PRTFDC1: variants seen among roughly 807,000 people sequenced by gnomAD.
PRTFDC1 encodes the protein phosphoribosyl transferase domain containing 1.
Under a neutral mutation model 34.6 loss-of-function variants are expected in PRTFDC1, and 38 were observed. The ratio of observed to expected loss-of-function variants is 1.10; its 90% confidence interval spans 0.85 to 1.44. The LOEUF is 1.44. PRTFDC1 is among the 40% of genes most tolerant of loss of function. The pLI, the probability that PRTFDC1 is intolerant of heterozygous loss-of-function variation, is 0.00. For synonymous variants in PRTFDC1, 93 were observed against 98.1 expected (o/e 0.95, Z 0.31); for missense variants, 270 against 283.0 (o/e 0.95, Z 0.33).
intron 3 of PRTFDC1, among the ~76,000 whole-genome samples, chr10:24,914,920 C>T (rs1848673777): frequency 6.6e-6 from 1 of 152,058 alleles, no homozygotes; most frequent in Non-Finnish European, 1.5e-5. Flanking sequence ...TTCCATATGC[C>T]ATCCAATTAT....
chr10:24,912,853 G>A (rs1848646212), intron 3 of PRTFDC1, among the ~76,000 whole-genome samples: 2 of 151,728 alleles, frequency 1.3e-5, no homozygotes, highest in Non-Finnish European at 2.9e-5. Flanking sequence ...CCTCTGAACT[G>A]GCCTTGCTTC....
chr10:24,938,829 G>A (rs1849096725), intron 2 of PRTFDC1, among the ~76,000 whole-genome samples: 1 of 152,164 alleles, frequency 6.6e-6, no homozygotes, highest in Admixed American at 6.5e-5. Context: ...AAGCTCAGGG[G>A]AAAGTAAACA....
At chr10:24,920,957 G>T (rs77120154) in intron 3 of PRTFDC1, among the ~76,000 whole-genome samples, 1 of 151,982 alleles carries the variant, frequency 6.6e-6, no homozygotes, top group Non-Finnish European at 1.5e-5. Flanking sequence ...ATCTAAAATG[G>T]TATTCTGTTT....
intron 3 of PRTFDC1, among the ~76,000 whole-genome samples, chr10:24,918,663 A>G (rs1235071896): frequency 6.6e-6 from 1 of 151,860 alleles, no homozygotes; most frequent in Non-Finnish European, 1.5e-5. Flanking sequence ...AATCCTCCCC[A>G]CTCAGCCTCC....
intron 3 of PRTFDC1, among the ~76,000 whole-genome samples, chr10:24,936,572 C>T (rs1849054713): frequency 6.6e-6 from 1 of 152,214 alleles, no homozygotes; most frequent in Admixed American, 6.5e-5. Context: ...ATGCATGAGC[C>T]ACTGCATCTG....
chr10:24,864,985 G>A (rs1306638054), intron 4 of PRTFDC1, among the ~76,000 whole-genome samples: 1 of 152,032 alleles, frequency 6.6e-6, no homozygotes, highest in African/African-American at 2.4e-5. Context: ...GCATGGTGGT[G>A]CACGCCTGTA....
At chr10:24,861,052 A>G (rs1847671877) in intron 4 of PRTFDC1, among the ~76,000 whole-genome samples, 2 of 152,098 alleles carry the variant, frequency 1.3e-5, no homozygotes, top group Non-Finnish European at 2.9e-5. Context: ...TTGCAAAACA[A>G]TAGAGTCATC....
chr10:24,942,088 T>C (rs1244710731), intron 2 of PRTFDC1, among the ~76,000 whole-genome samples: 1 of 152,186 alleles, frequency 6.6e-6, no homozygotes. Context: ...CTGTTACTTA[T>C]AATAGCTTAT....
chr10:24,914,148 T>G (rs1848663030), intron 3 of PRTFDC1, among the ~76,000 whole-genome samples: 1 of 152,138 alleles, frequency 6.6e-6, no homozygotes, highest in African/African-American at 2.4e-5. Context: ...AGACTCAAAA[T>G]CATATATTTA....
chr10:24,869,367 C>G (rs1270782366), intron 4 of PRTFDC1, among the ~76,000 whole-genome samples: 2 of 152,230 alleles, frequency 1.3e-5, no homozygotes, highest in African/African-American at 4.8e-5. Flanking sequence ...AAACCCTTCC[C>G]CAGGGCTGTA....
intron 4 of PRTFDC1, among the ~76,000 whole-genome samples, chr10:24,871,586 G>T (rs983013616): frequency 6.6e-6 from 1 of 150,716 alleles, no homozygotes; most frequent in African/African-American, 2.4e-5. Flanking sequence ...CCCAGATTTT[G>T]TACTTGTCAA....
At chr10:24,941,011 T>A (rs1282925437) in intron 2 of PRTFDC1, among the ~76,000 whole-genome samples, 1 of 151,046 alleles carries the variant, frequency 6.6e-6, no homozygotes, top group Non-Finnish European at 1.5e-5. Context: ...TGGGTGAATT[T>A]TGTGCAGTAG....
At chr10:24,949,549 C>T (rs934723106) in intron 1 of PRTFDC1, among the ~76,000 whole-genome samples, 1 of 152,114 alleles carries the variant, frequency 6.6e-6, no homozygotes, top group South Asian at 2.1e-4. Flanking sequence ...AAGTTGCCTG[C>T]TTATATCCAA....
chr10:24,902,614 G>A (rs1433763857), intron 3 of PRTFDC1, among the ~76,000 whole-genome samples: 1 of 152,150 alleles, frequency 6.6e-6, no homozygotes, highest in Non-Finnish European at 1.5e-5. Context: ...GTGCTCCAGA[G>A]AAAGTTGACT....
At chr10:24,912,882 T>C (rs1848646738) in intron 3 of PRTFDC1, among the ~76,000 whole-genome samples, 1 of 152,120 alleles carries the variant, frequency 6.6e-6, no homozygotes, top group Non-Finnish European at 1.5e-5. Context: ...ATCCTAAACA[T>C]GGCATCCTGA....
chr10:24,875,518 T>C (rs1443800515), intron 3 of PRTFDC1, among the ~76,000 whole-genome samples: 1 of 152,216 alleles, frequency 6.6e-6, no homozygotes, highest in Non-Finnish European at 1.5e-5. Flanking sequence ...ACTCTGTGCC[T>C]GGCTTATTTC....
intron 3 of PRTFDC1, among the ~76,000 whole-genome samples, chr10:24,910,404 C>G (rs1848608710): frequency 6.6e-6 from 1 of 152,150 alleles, no homozygotes; most frequent in Non-Finnish European, 1.5e-5. Context: ...TGTCTCATTT[C>G]ATGTATAATG....
chr10:24,890,613 T>A (rs1848243609), intron 3 of PRTFDC1, among the ~76,000 whole-genome samples: 1 of 152,158 alleles, frequency 6.6e-6, no homozygotes, highest in Non-Finnish European at 1.5e-5. Flanking sequence ...TTTGACTGAG[T>A]CAGGGTGGCA....
At chr10:24,850,817 A>G (rs1847473219) in intron 8 of PRTFDC1, among the ~76,000 whole-genome samples, 1 of 152,192 alleles carries the variant, frequency 6.6e-6, no homozygotes, top group South Asian at 2.1e-4. Flanking sequence ...AAGTCTGAAC[A>G]CACTCAGTCT....
Sources: allele counts gnomAD v4.1 joint callset (sites outside exome capture counted in the v4.1 genomes callset), GRCh38; gene constraint gnomAD v4.1.1; transcripts MANE v1.5; gene names NCBI Gene and HGNC (gene_info 2026-07-23, HGNC 2026-07-21).